MAF: variants seen among roughly 807,000 people sequenced by gnomAD.
MAF encodes MAF bZIP transcription factor.
In MAF, 10 loss-of-function variants were observed where a neutral mutation model predicts 22.0. The observed-to-expected ratio is 0.45, with a 90% CI of 0.28 to 0.77. MAF has a LOEUF of 0.77. Ranked by LOEUF, MAF falls within the 30% of genes least tolerant of loss-of-function variation. The probability of loss-of-function intolerance (pLI) is 0.12; values close to 1 mark genes in which losing one functional copy is unlikely to be tolerated. For missense variants in MAF, 544 were observed against 548.4 expected, an observed-to-expected ratio of 0.99 and a Z score of 0.08; for synonymous variants, 337 against 255.8, an observed-to-expected ratio of 1.32 and a Z score of -3.03.
At chr16:79,283,189 G>T in the MAF span, among the ~76,000 whole-genome samples, 1 of 152,170 alleles carries the variant, frequency 6.6e-6, no homozygotes, top group East Asian at 1.9e-4. Context: ...CGGATGAATG[G>T]ATGGATGGAT....
At chr16:79,253,634 T>A in the MAF span, among the ~76,000 whole-genome samples, 2 of 152,026 alleles carry the variant, frequency 1.3e-5, no homozygotes, top group Non-Finnish European at 2.9e-5. Flanking sequence ...GTTTTTCTAC[T>A]CCTTTCTTCA....
At chr16:79,211,565 C>T in the MAF span, 39 of 1,613,534 alleles carry the variant, frequency 2.4e-5, no homozygotes, top group Non-Finnish European at 2.7e-5. Flanking sequence ...CTCATCACTC[C>T]TTTTCTTAAA....
the MAF span, among the ~76,000 whole-genome samples, chr16:79,520,556 A>G: frequency 6.6e-6 from 1 of 152,108 alleles, no homozygotes; most frequent in Non-Finnish European, 1.5e-5. Context: ...ATAAATAAAT[A>G]TGGCTTCTCT....
the MAF span, among the ~76,000 whole-genome samples, chr16:79,440,781 C>T: frequency 6.6e-6 from 1 of 152,222 alleles, no homozygotes; most frequent in Non-Finnish European, 1.5e-5. Context: ...TTATTTTTAA[C>T]ATATAAATTA....
At chr16:79,213,407 G>C in the MAF span, among the ~76,000 whole-genome samples, 5 of 152,146 alleles carry the variant, frequency 3.3e-5, no homozygotes, top group African/African-American at 9.7e-5. Flanking sequence ...TTGAAACTAT[G>C]AATCAGATAA....
chr16:79,328,717 G>A, the MAF span, among the ~76,000 whole-genome samples: 1 of 152,174 alleles, frequency 6.6e-6, no homozygotes, highest in Non-Finnish European at 1.5e-5. Context: ...AACCCAGGTA[G>A]CAGGGAGGGT....
At chr16:79,483,695 C>A in the MAF span, among the ~76,000 whole-genome samples, 1 of 152,070 alleles carries the variant, frequency 6.6e-6, no homozygotes, top group African/African-American at 2.4e-5. Context: ...TCATGTAGCT[C>A]AAATCATGTA....
chr16:79,309,578 A>T, the MAF span, among the ~76,000 whole-genome samples: 2 of 152,336 alleles, frequency 1.3e-5, no homozygotes, highest in Non-Finnish European at 2.9e-5. Context: ...TTTTTAAAGG[A>T]GGCTCATAAC....
chr16:79,483,031 T>TCCTTCCCTTTGTCTCTCCTTCCCC, the MAF span, among the ~76,000 whole-genome samples: 1 of 8,932 alleles, frequency 1.1e-4, no homozygotes, highest in African/African-American at 5.4e-4. Context: ...TTCCCTCCCC[T>TCCTTCCCTTTGTCTCTCCTTCCCC]CCCTCCCTCC....
the MAF span, among the ~76,000 whole-genome samples, chr16:79,303,926 G>A: frequency 6.6e-6 from 1 of 152,142 alleles, no homozygotes. Flanking sequence ...AAAGAGAGAG[G>A]TTAAGGGTTG....
the MAF span, among the ~76,000 whole-genome samples, chr16:79,329,472 G>A: frequency 1.3e-5 from 2 of 152,064 alleles, no homozygotes; most frequent in Non-Finnish European, 2.9e-5. Flanking sequence ...AATTCACAGA[G>A]AAAAATGCAA....
chr16:79,563,008 T>C, the MAF span, among the ~76,000 whole-genome samples: 1 of 152,220 alleles, frequency 6.6e-6, no homozygotes, highest in African/African-American at 2.4e-5. Context: ...TTGTGCCTCC[T>C]CCTGTCCATT....
chr16:79,489,712 A>C, the MAF span, among the ~76,000 whole-genome samples: 1 of 152,212 alleles, frequency 6.6e-6, no homozygotes, highest in Non-Finnish European at 1.5e-5. Flanking sequence ...GCAGAAGATG[A>C]GGGCAAAATA....
the MAF span, among the ~76,000 whole-genome samples, chr16:79,215,240 T>C: frequency 6.6e-6 from 1 of 152,152 alleles, no homozygotes; most frequent in Non-Finnish European, 1.5e-5. Context: ...TCTGGTAGGA[T>C]GCACCATCTT....
the MAF span, among the ~76,000 whole-genome samples, chr16:79,360,576 A>G: frequency 6.6e-6 from 1 of 152,172 alleles, no homozygotes; most frequent in Non-Finnish European, 1.5e-5. Flanking sequence ...TAGGGTAAAT[A>G]ATCTCATTTT....
chr16:79,599,246 ACCGCCGCCCGCGCCCCCAGCG>A lies in MAF; in HGVS notation c.636_656del (p.Ala213_Gly219del), dbSNP rs1303080105. 1.0e-6 allele frequency: 1 copy of A among 976,850 alleles called. No individual in the cohort carries two copies. Among genetic ancestry groups the A allele is most frequent in the East Asian group, 1.2e-4 (1 of 8,458 alleles). The allele number at this position is 976,850 out of a possible 1,614,324, so 60.5% of individuals were successfully genotyped here. ...CGCCGCCCCCAGCGCTGGCCGGGCC[ACCGCCGCCCGCGCCCCCAGCG>A]CCACCGGCCGAGGCGGCCGCGCTGC... is the stretch of plus-strand genomic sequence containing the variant. On this transcript the variant is annotated inframe_deletion, in exon 1 of 2. Coordinates refer to ENST00000326043, the MANE Select transcript of MAF (RefSeq NM_005360.5).
the MAF span, among the ~76,000 whole-genome samples, chr16:79,321,745 G>C: frequency 2.8e-5 from 4 of 143,746 alleles, no homozygotes; most frequent in African/African-American, 5.2e-5. Flanking sequence ...CTGCCTCCCA[G>C]GTTCACGACA....
At chr16:79,466,730 T>C in the MAF span, among the ~76,000 whole-genome samples, 1 of 152,254 alleles carries the variant, frequency 6.6e-6, no homozygotes, top group Admixed American at 6.5e-5. Context: ...TTTGGAATCT[T>C]AGAAGACCAC....
the MAF span, among the ~76,000 whole-genome samples, chr16:79,479,176 G>T: frequency 6.8e-6 from 1 of 146,700 alleles, no homozygotes; most frequent in South Asian, 2.2e-4. Flanking sequence ...ATCTTAATGT[G>T]CTCGTGCACC....
Sources: allele counts gnomAD v4.1 joint callset (sites outside exome capture counted in the v4.1 genomes callset), GRCh38; gene constraint gnomAD v4.1.1; transcripts MANE v1.5; gene names NCBI Gene and HGNC (gene_info 2026-07-23, HGNC 2026-07-21).